The following AATK variants were observed in gnomAD, a reference collection of about 807,000 sequenced individuals.
AATK encodes lemur tail kinase 1.
In AATK, 91 loss-of-function variants were observed where a neutral mutation model predicts 114.3. That is an observed-to-expected ratio of 0.80 (90% confidence interval 0.67 to 0.95). The LOEUF (loss-of-function observed/expected upper bound fraction) is 0.95. AATK is among the 40% of genes least tolerant of loss of function. The probability of loss-of-function intolerance (pLI) is 0.00; values close to 1 mark genes in which losing one functional copy is unlikely to be tolerated. For missense variants in AATK, 2,176 were observed against 1,965.2 expected, an observed-to-expected ratio of 1.11 and a Z score of -2.03; for synonymous variants, 1,075 against 916.5, an observed-to-expected ratio of 1.17 and a Z score of -3.12.
At chr17:81,137,103 A>C (rs1366813647) in intron 1 of AATK, among the ~76,000 whole-genome samples, 1 of 151,948 alleles carries the variant, frequency 6.6e-6, no homozygotes, top group Non-Finnish European at 1.5e-5. Flanking sequence ...ACTAAAAATA[A>C]AAAAATTAGC....
chr17:81,136,646 G>T (rs974248798), intron 1 of AATK, among the ~76,000 whole-genome samples: 3 of 152,238 alleles, frequency 2.0e-5, no homozygotes, highest in African/African-American at 7.2e-5. Flanking sequence ...TCCCAGTGCT[G>T]GGCGGCCATG....
At chr17:81,123,065 C>G in intron 10 of AATK, 129 bp downstream of exon 10, 1 of 1,138,030 alleles carries the variant, frequency 8.8e-7, no homozygotes, top group East Asian at 3.1e-5. Context: ...CGGGTGGAGG[C>G]CCTACCAGAG....
At chr17:81,129,733 C>T (rs1354150163) in intron 3 of AATK, among the ~76,000 whole-genome samples, 1 of 152,146 alleles carries the variant, frequency 6.6e-6, no homozygotes, top group African/African-American at 2.4e-5. Flanking sequence ...GCCCCTGGAC[C>T]CAAGGGCAGT....
chr17:81,141,001 A>AGGG (rs1387237286), intron 1 of AATK, among the ~76,000 whole-genome samples: 78 of 112,476 alleles, frequency 6.9e-4, no homozygotes, highest in African/African-American at 2.7e-3. Flanking sequence ...TGGGGCCGTA[A>AGGG]GCCGTGGGGC....
intron 1 of AATK, among the ~76,000 whole-genome samples, chr17:81,140,767 G>A (rs1222468882): frequency 0.042 from 4,187 of 99,144 alleles, 981 homozygotes; most frequent in South Asian, 0.069. Flanking sequence ...TGAGCCGTGG[G>A]GCTGTGGGGC....
intron 1 of AATK, among the ~76,000 whole-genome samples, chr17:81,162,312 G>A (rs1282406776): frequency 2.6e-5 from 4 of 152,166 alleles, no homozygotes; most frequent in East Asian, 3.9e-4. Flanking sequence ...GGGATGGGCC[G>A]AACTCATGGG....
At chr17:81,143,964 G>C (rs1367718640) in intron 1 of AATK, among the ~76,000 whole-genome samples, 1 of 152,218 alleles carries the variant, frequency 6.6e-6, no homozygotes, top group Non-Finnish European at 1.5e-5. Context: ...GGGTGAGCAC[G>C]GTGCCCAGGG....
chr17:81,138,735 G>T (rs575651408), intron 1 of AATK, among the ~76,000 whole-genome samples: 4 of 142,732 alleles, frequency 2.8e-5, no homozygotes, highest in Admixed American at 1.4e-4. Context: ...ACACATGCGC[G>T]CACACAGATA....
At chr17:81,118,464 T>C in intron 13 of AATK, 22 bp from the exon 14 acceptor site, 2 of 1,603,586 alleles carry the variant, frequency 1.2e-6, no homozygotes, top group South Asian at 2.2e-5. Context: ...GACAACAAAG[T>C]GAACACAGGG....
intron 2 of AATK, 110 bp downstream of exon 2, chr17:81,134,258 C>G: frequency 6.8e-7 from 1 of 1,461,290 alleles, no homozygotes; most frequent in Non-Finnish European, 9.2e-7. Flanking sequence ...CTACGGCCAC[C>G]CAGCAGCCAC....
intron 1 of AATK, among the ~76,000 whole-genome samples, chr17:81,138,380 GGCACACGT>G (rs879842664): frequency 5.5e-5 from 6 of 108,940 alleles, no homozygotes; most frequent in Admixed American, 2.9e-4. Context: ...TGGACACACG[GGCACACGT>G]GCACACACAC....
intron 1 of AATK, chr17:81,165,726 G>A (rs762779798): frequency 2.6e-6 from 4 of 1,522,224 alleles, no homozygotes; most frequent in South Asian, 2.4e-5. Flanking sequence ...CGCGGGGGAC[G>A]CCAGCCCACA....
intron 2 of AATK, 112 bp from the exon 3 acceptor site, chr17:81,131,317 G>GCAC: frequency 7.2e-7 from 1 of 1,382,692 alleles, no homozygotes; most frequent in Non-Finnish European, 9.5e-7. Context: ...AGGGCAGGAG[G>GCAC]GGGTGCTCGG....
chr17:81,152,844 A>T (rs931513518), intron 1 of AATK, among the ~76,000 whole-genome samples: 8 of 145,024 alleles, frequency 5.5e-5, no homozygotes, highest in African/African-American at 7.7e-5. Context: ...GCCCTGCTGA[A>T]TTTTTTTTTT....
rs1338000733 is a variant in AATK at position 81,120,591 on chromosome 17, A to G, written c.3345T>C (p.Ser1115=). The G allele has an allele frequency of 6.5e-7, 1 of 1,543,070 alleles. No homozygotes were observed. The highest frequency in any genetic ancestry group is 8.7e-7 in the Non-Finnish European group (1 of 1,148,166). ...ACAGTCCTGGGGGCCCCTGGAACTC[A>G]GAGCTGTTGCCTTCTGATCTCAGCG... The part of the protein sequence containing the change: ...PVPLRSEGNS[S]EFQGPPGLLS... The change falls in exon 11 of 14, where the codon TCT becomes TCC. Residue 1115 remains serine (S), a synonymous_variant. Transcript: ENST00000326724.
At position 81,127,835 on chromosome 17, in the gene AATK, C is replaced by T. The variant is rs371642823; in HGVS notation, c.490G>A (p.Val164Met). 53 of 1,541,294 alleles carry T rather than the reference C, an allele frequency of 3.4e-5. No homozygotes were observed. Among genetic ancestry groups the T allele is most frequent in the Admixed American group, 5.9e-5 (3 of 51,018 alleles). Residue 164 changes from valine (V) to methionine (M), a missense_variant, in exon 5 of 14, where the codon GTG becomes ATG. This residue lies in a region of AATK where 273 missense variants were observed against 344.1 expected (regional missense o/e 0.79). Transcript: ENST00000326724. ...VVKELQASAS[V>M]QEQMQFLEEV... ...TCCAGGAACTGCATCTGCTCCTGCA[C>T]GCTGGCACTAGCCTGCAGCTCCTTC...
intron 1 of AATK, among the ~76,000 whole-genome samples, chr17:81,163,592 TG>T (rs2061450245): frequency 6.6e-6 from 1 of 152,168 alleles, no homozygotes; most frequent in South Asian, 2.1e-4. Context: ...GTCAGGGAGA[TG>T]GGGGAAGAGC....
At chr17:81,149,457 C>G (rs1453585972) in intron 1 of AATK, among the ~76,000 whole-genome samples, 2 of 152,046 alleles carry the variant, frequency 1.3e-5, no homozygotes, top group African/African-American at 2.4e-5. Context: ...ACCCAACCTC[C>G]AATCCCTTGT....
At chr17:81,119,024 G>T (rs570075200) in intron 13 of AATK, among the ~76,000 whole-genome samples, 2 of 152,208 alleles carry the variant, frequency 1.3e-5, no homozygotes, top group African/African-American at 4.8e-5. Context: ...CCGGGGCACC[G>T]TGGGACCTGG....
Sources: allele counts gnomAD v4.1 joint callset (sites outside exome capture counted in the v4.1 genomes callset), GRCh38; gene constraint gnomAD v4.1.1; regional missense constraint gnomAD v4.1.1; transcripts MANE v1.5; gene names NCBI Gene and HGNC (gene_info 2026-07-23, HGNC 2026-07-21).